GNAQ: variants seen among roughly 807,000 people sequenced by gnomAD.
GNAQ encodes G protein subunit alpha q.
Under a neutral mutation model 43.9 loss-of-function variants are expected in GNAQ, and 8 were observed. The ratio of observed to expected loss-of-function variants is 0.18; its 90% CI spans 0.11 to 0.33. The LOEUF is 0.33. Among genes scored for constraint, GNAQ ranks in the 10% least tolerant of loss-of-function variants. The pLI is 1.00. For missense variants in GNAQ, 158 were observed against 450.8 expected (o/e 0.35, Z 5.88); for synonymous variants, 155 against 170.7 (o/e 0.91, Z 0.71).
intron 5 of GNAQ, among the ~76,000 whole-genome samples, chr9:77,772,519 T>C (rs1344654799): frequency 2.0e-5 from 3 of 152,196 alleles, no homozygotes; most frequent in African/African-American, 7.2e-5. Context: ...TCGGTGGGAT[T>C]TTCCATTTTG....
intron 1 of GNAQ, among the ~76,000 whole-genome samples, chr9:77,990,632 T>G (rs1349416847): frequency 6.6e-6 from 1 of 152,256 alleles, no homozygotes; most frequent in Non-Finnish European, 1.5e-5. Context: ...CATATTTGAA[T>G]GCATGTATGT....
intron 3 of GNAQ, among the ~76,000 whole-genome samples, chr9:77,812,935 CTCTG>C (rs1281850093): frequency 1.3e-5 from 2 of 151,470 alleles, no homozygotes; most frequent in Non-Finnish European, 2.9e-5. Flanking sequence ...TGGAGTCTTC[CTCTG>C]TCACCCAGGC....
At chr9:77,856,101 T>G (rs1363195928) in intron 2 of GNAQ, among the ~76,000 whole-genome samples, 1 of 152,122 alleles carries the variant, frequency 6.6e-6, no homozygotes, top group Non-Finnish European at 1.5e-5. Flanking sequence ...TTGGCATGGG[T>G]AGTGCTGGCT....
At chr9:77,836,313 T>TA (rs1483237236) in intron 2 of GNAQ, among the ~76,000 whole-genome samples, 6 of 152,212 alleles carry the variant, frequency 3.9e-5, no homozygotes, top group Non-Finnish European at 1.5e-5. Flanking sequence ...CTGTGCTACT[T>TA]AGTCAATGCC....
rs1205798526 is a variant in GNAQ, at chr9:77,717,880, A to C, written c.*3443T>G. On this transcript the variant is annotated 3_prime_UTR_variant, in exon 7 of 7. Coordinates refer to ENST00000286548, the MANE Select transcript of GNAQ (RefSeq NM_002072.5). The stretch of plus-strand genomic sequence containing the variant: ...AGCTCTTTATATGGAAATGTTAAAA[A>C]CAAAAACTTCTAGGAGATTTATTTA... The C allele has an allele frequency of 8.6e-6, 2 of 232,518 alleles. No individual in the cohort carries two copies. The highest frequency in any genetic ancestry group is 1.7e-5 in the Non-Finnish European group (2 of 117,710). The allele number at this position is 232,518 out of a possible 1,614,324, so 14.4% of individuals were successfully genotyped here. A position where few individuals can be genotyped will look rare whatever the true frequency, so the allele number is the denominator to read the frequency against.
intron 1 of GNAQ, among the ~76,000 whole-genome samples, chr9:77,928,944 G>A (rs957406987): frequency 2.6e-5 from 4 of 152,124 alleles, no homozygotes; most frequent in Non-Finnish European, 5.9e-5. Flanking sequence ...CTTGAACCAG[G>A]GAGGCGGACA....
At chr9:77,814,138 A>G (rs1387955178) in intron 3 of GNAQ, among the ~76,000 whole-genome samples, 1 of 152,126 alleles carries the variant, frequency 6.6e-6, no homozygotes, top group African/African-American at 2.4e-5. Context: ...GGGCAGGAGT[A>G]AAAAAGACAG....
chr9:77,961,006 CAACA>C (rs1823100908), intron 1 of GNAQ, among the ~76,000 whole-genome samples: 1 of 152,096 alleles, frequency 6.6e-6, no homozygotes, highest in African/African-American at 2.4e-5. Context: ...GTTTGGATTC[CAACA>C]AACAGAACAG....
intron 1 of GNAQ, among the ~76,000 whole-genome samples, chr9:77,947,137 C>T (rs1159585752): frequency 1.3e-5 from 2 of 152,234 alleles, no homozygotes; most frequent in Non-Finnish European, 2.9e-5. Context: ...AGTTGGCCAA[C>T]TCCCCAGAGG....
At position 77,720,501 on chromosome 9, in the gene GNAQ, T is replaced by C. The variant is rs867959406; in HGVS notation, c.*822A>G. 3 of 233,358 alleles carry C rather than the reference T, an allele frequency of 1.3e-5. No homozygotes were observed. The highest frequency in any genetic ancestry group is 3.6e-4 in the South Asian group (2 of 5,518). The allele number at this position is 233,358 out of a possible 1,614,324, so 14.5% of individuals were successfully genotyped here. ...TTGGCATCTTTTTTGGCATCTGCAATTGAAAGAGAGGGTAAGAAAAAGAAG... is the reference window on the plus strand; with the variant it reads ...TTGGCATCTTTTTTGGCATCTGCAACTGAAAGAGAGGGTAAGAAAAAGAAG... On this transcript the variant is annotated 3_prime_UTR_variant, in exon 7 of 7. Transcript: ENST00000286548.
chr9:77,724,113 T>A (rs1262937241), intron 6 of GNAQ, among the ~76,000 whole-genome samples: 3 of 152,172 alleles, frequency 2.0e-5, no homozygotes, highest in Non-Finnish European at 4.4e-5. Context: ...TGGATACGTA[T>A]CATATATCTG....
intron 1 of GNAQ, among the ~76,000 whole-genome samples, chr9:77,937,685 G>T (rs1192452552): frequency 1.3e-5 from 2 of 152,080 alleles, no homozygotes; most frequent in African/African-American, 4.8e-5. Context: ...CAGAGGTCAG[G>T]AGTTCGAAAT....
At chr9:77,867,483 G>A (rs1827966850) in intron 2 of GNAQ, among the ~76,000 whole-genome samples, 1 of 152,176 alleles carries the variant, frequency 6.6e-6, no homozygotes, top group South Asian at 2.1e-4. Context: ...TAAATATATG[G>A]TAGAGTCTTA....
chr9:77,865,295 T>A (rs1335769412), intron 2 of GNAQ, among the ~76,000 whole-genome samples: 2 of 152,220 alleles, frequency 1.3e-5, no homozygotes, highest in African/African-American at 4.8e-5. Flanking sequence ...AAACTACATG[T>A]GACTTACAGT....
chr9:77,964,267 T>C (rs1428055704), intron 1 of GNAQ, among the ~76,000 whole-genome samples: 3 of 152,102 alleles, frequency 2.0e-5, no homozygotes, highest in African/African-American at 2.4e-5. Context: ...CTTCAAAATA[T>C]GAGAAGCAAA....
intron 1 of GNAQ, among the ~76,000 whole-genome samples, chr9:77,945,306 T>C (rs758692658): frequency 2.6e-5 from 4 of 152,098 alleles, no homozygotes; most frequent in Non-Finnish European, 2.9e-5. Flanking sequence ...AGCTATAAAG[T>C]TGCTTTACTC....
chr9:77,962,426 CAGAG>C lies in GNAQ; in HGVS notation c.137-40085_137-40082del, dbSNP rs138302255. On this transcript the variant is annotated intron_variant, in intron 1 of 6. Coordinates refer to ENST00000286548, the MANE Select transcript of GNAQ (RefSeq NM_002072.5). The stretch of plus-strand genomic sequence containing the variant: ...ACAGAGAGAAAATCCTAAAAGCAGC[CAGAG>C]AGAGAAAGACACTTTACATGTAAAG... Among the ~76,000 whole-genome samples the C allele has an allele frequency of 6.9e-3, 1,052 of 151,996 alleles. 17 individuals carry two copies. Among genetic ancestry groups the C allele is most frequent in the African/African-American group, 0.024 (975 of 41,440 alleles).
chr9:77,817,176 G>T (rs1029794335), intron 2 of GNAQ, among the ~76,000 whole-genome samples: 1 of 152,134 alleles, frequency 6.6e-6, no homozygotes, highest in Non-Finnish European at 1.5e-5. Flanking sequence ...CTCAATCATC[G>T]TTCCCCTCTG....
chr9:77,848,407 G>C (rs533711002), intron 2 of GNAQ, among the ~76,000 whole-genome samples: 18 of 152,304 alleles, frequency 1.2e-4, no homozygotes, highest in African/African-American at 4.3e-4. Context: ...AGATCTTCAA[G>C]CTATTTCACT....
Sources: allele counts gnomAD v4.1 joint callset (sites outside exome capture counted in the v4.1 genomes callset), GRCh38; gene constraint gnomAD v4.1.1; transcripts MANE v1.5; gene names NCBI Gene and HGNC (gene_info 2026-07-23, HGNC 2026-07-21).